Variants in STK35 observed in about 807,000 individuals in gnomAD.
STK35 encodes the protein serine/threonine-protein kinase 35.
A neutral mutation model predicts 37.3 loss-of-function variants in STK35; 17 were observed. The ratio of observed to expected loss-of-function variants is 0.46; its 90% CI spans 0.31 to 0.68. The LOEUF is 0.68. Ranked by LOEUF, STK35 falls within the 30% of genes least tolerant of loss-of-function variation. The pLI is 0.05. For missense variants in STK35, 595 were observed against 746.7 expected (o/e 0.80, Z 2.37); for synonymous variants, 385 against 319.1 (o/e 1.21, Z -2.20).
At chr20:2,121,902 A>C (rs1461399893) in intron 3 of STK35, among the ~76,000 whole-genome samples, 19 of 152,174 alleles carry the variant, frequency 1.2e-4, no homozygotes, top group Admixed American at 9.2e-4. Flanking sequence ...GGGGAAGAGG[A>C]GAGGAATTGG....
intron 3 of STK35, among the ~76,000 whole-genome samples, chr20:2,139,374 G>A (rs1476959320): frequency 6.6e-6 from 1 of 152,200 alleles, no homozygotes; most frequent in Non-Finnish European, 1.5e-5. Flanking sequence ...CCGAGCACTA[G>A]ACCTGTGCAC....
At chr20:2,115,328 A>G (rs1043987432) in intron 2 of STK35, among the ~76,000 whole-genome samples, 7 of 152,148 alleles carry the variant, frequency 4.6e-5, no homozygotes, top group Non-Finnish European at 8.8e-5. Context: ...TTTGTAATAG[A>G]GTAAATGACT....
intron 3 of STK35, among the ~76,000 whole-genome samples, chr20:2,143,152 G>T (rs555182851): frequency 6.6e-6 from 1 of 152,126 alleles, no homozygotes; most frequent in African/African-American, 2.4e-5. Flanking sequence ...GCCCGTTCTG[G>T]CTCCAGAGCC....
intron 2 of STK35, among the ~76,000 whole-genome samples, chr20:2,107,355 C>A (rs1207400770): frequency 6.6e-6 from 1 of 152,246 alleles, no homozygotes; most frequent in African/African-American, 2.4e-5. Context: ...AGCTTACACT[C>A]AACTTGATAA....
chr20:2,108,296 G>A (rs1235583821), intron 2 of STK35, among the ~76,000 whole-genome samples: 3 of 152,166 alleles, frequency 2.0e-5, no homozygotes, highest in African/African-American at 7.2e-5. Flanking sequence ...ATCACCTCAG[G>A]TCAGGAGGTG....
chr20:2,140,531 A>G (rs899224872), intron 3 of STK35, among the ~76,000 whole-genome samples: 1 of 152,214 alleles, frequency 6.6e-6, no homozygotes, highest in Admixed American at 6.5e-5. Context: ...CTGTGCTGTT[A>G]GCTCCCTGGG....
At position 2,134,454 on chromosome 20, in the gene STK35, G is replaced by T. The variant is rs985367132; in HGVS notation, c.*38-9330G>T. On this transcript the variant is annotated intron_variant, in intron 3 of 3. Coordinates refer to ENST00000381482, the MANE Select transcript of STK35 (RefSeq NM_080836.4). ...GTTGTACGTCTCACCTGTGCTGGGG[G>T]TGCCCTGTTTAGAGCACTCATGTGC... Among the ~76,000 whole-genome samples the T allele has an allele frequency of 5.9e-5, 9 of 152,066 alleles. No individual in the cohort carries two copies. The East Asian group carries it at 1.5e-3, about 26-fold the overall frequency.
Position 2,102,858 on chromosome 20 carries a change from C to G in STK35, c.385C>G (p.Pro129Ala). 4.5e-6 allele frequency: 7 copies of G among 1,554,218 alleles called. No homozygotes were observed. Among genetic ancestry groups the G allele is most frequent in the Non-Finnish European group, 6.0e-6 (7 of 1,158,508 alleles). Residue 129 changes from proline (P) to alanine (A), a missense_variant, in exon 2 of 4, where the codon CCG becomes GCG. Around this residue, in one of 3 missense-constraint regions of STK35, gnomAD observed 389 missense variants for 320.0 expected, o/e 1.22. Coordinates refer to ENST00000381482, the MANE Select transcript of STK35 (RefSeq NM_080836.4). ...CCGGGCAGCGCCGTTGCTGCTCCCC[C>G]CGCCGCCCGCAGCCATGGAAACGGG... ...GARAAPLLLP[P>A]PPAAMETGKD... is the part of the protein sequence containing the mutation.
Position 2,135,204 on chromosome 20 carries a change from G to T in STK35, c.*38-8580G>T, listed in dbSNP as rs576366138. Among the ~76,000 whole-genome samples the T allele has an allele frequency of 9.8e-5, 15 of 152,348 alleles. No homozygotes were observed. In the South Asian group the frequency reaches 3.1e-3, roughly 32 times the overall value. On this transcript the variant is annotated intron_variant, in intron 3 of 3. Coordinates refer to ENST00000381482, the MANE Select transcript of STK35 (RefSeq NM_080836.4). ...GGAGCACATTCCTATGATTGCATCT[G>T]TGCTTTTATAGCCTGGGCGACAGTC... is the stretch of plus-strand genomic sequence containing the variant.
At position 2,117,312 on chromosome 20, in the gene STK35, C is replaced by T; in HGVS notation, c.1539C>T (p.Asn513=). Residue 513 remains asparagine (N), a synonymous_variant, in exon 3 of 4, where the codon AAC becomes AAT. Coordinates refer to ENST00000381482, the MANE Select transcript of STK35 (RefSeq NM_080836.4). The surrounding 1 kb of genome is among the most constrained non-coding windows in gnomAD (Gnocchi z 4.4). ...TCTTGAAAGATATGTTAGCTGCTAA[C>T]CCACAGGACCGGCCTGATGCCTTTG... ...KQLLKDMLAA[N]PQDRPDAFEL... 1.2e-6 allele frequency: 2 copies of T among 1,614,216 alleles called. No homozygotes were observed. The highest frequency in any genetic ancestry group is 1.1e-5 in the South Asian group (1 of 91,082).
Position 2,117,192 on chromosome 20 carries a change from C to T in STK35, c.1419C>T (p.Ile473=), listed in dbSNP as rs150498734. The T allele has an allele frequency of 1.1e-5, 18 of 1,614,004 alleles. No homozygotes were observed. The highest frequency in any genetic ancestry group is 1.0e-4 in the Admixed American group (6 of 60,006). ...CCTACATTAAACAGGGGACTGAGAT[C>T]GTCCCTGTTGGTGAGGCGCTGCTAG... The part of the protein sequence containing the change: ...LGTYIKQGTE[I]VPVGEALLEN... Residue 473 remains isoleucine (I), a synonymous_variant, in exon 3 of 4, where the codon ATC becomes ATT. Coordinates refer to ENST00000381482, the MANE Select transcript of STK35 (RefSeq NM_080836.4). The surrounding 1 kb of genome is among the most constrained non-coding windows in gnomAD (Gnocchi z 4.4).
intron 3 of STK35, among the ~76,000 whole-genome samples, chr20:2,127,243 A>G (rs1985921416): frequency 1.3e-5 from 2 of 151,872 alleles, no homozygotes; most frequent in Admixed American, 6.5e-5. Context: ...TTCACCATGT[A>G]CAGCACCCCT....
intron 2 of STK35, among the ~76,000 whole-genome samples, chr20:2,105,810 A>T (rs2122539447): frequency 6.6e-6 from 1 of 152,296 alleles, no homozygotes; most frequent in South Asian, 2.1e-4. Context: ...CATAGAACAC[A>T]CCTTGTTTTC....
At chr20:2,123,043 T>C (rs936332562) in intron 3 of STK35, among the ~76,000 whole-genome samples, 2 of 152,214 alleles carry the variant, frequency 1.3e-5, no homozygotes, top group African/African-American at 4.8e-5. Flanking sequence ...CCAGCCAAAC[T>C]GATGTTCCAG....
At chr20:2,129,318 C>T (rs922619027) in intron 3 of STK35, among the ~76,000 whole-genome samples, 2 of 152,130 alleles carry the variant, frequency 1.3e-5, no homozygotes, top group African/African-American at 4.8e-5. Flanking sequence ...GTTGCTAACA[C>T]CTGGAGGGAT....
In STK35 at chr20:2,109,674, G is replaced by A. The variant is rs1180759451; in HGVS notation, c.892+6309G>A. Among the ~76,000 whole-genome samples the A allele has an allele frequency of 2.0e-5, 3 of 152,218 alleles. No homozygotes were observed. The South Asian group carries it at 6.2e-4, about 31-fold the overall frequency. On this transcript the variant is annotated intron_variant, in intron 2 of 3. Coordinates refer to ENST00000381482, the MANE Select transcript of STK35 (RefSeq NM_080836.4). ...CTGCCAGTGGTGTCCAGAGACATTA[G>A]CATAATTCACACCCAGTAGCAGTCT...
At chr20:2,111,440 A>T (rs1353738104) in intron 2 of STK35, among the ~76,000 whole-genome samples, 2 of 152,164 alleles carry the variant, frequency 1.3e-5, no homozygotes, top group African/African-American at 4.8e-5. Context: ...CATGCCTATA[A>T]TTACCCAGTA....
At chr20:2,132,279 A>G (rs1015219566) in intron 3 of STK35, among the ~76,000 whole-genome samples, 3 of 152,262 alleles carry the variant, frequency 2.0e-5, no homozygotes, top group Non-Finnish European at 2.9e-5. Context: ...CAAAGAAGTA[A>G]GTGATGGCAA....
At chr20:2,115,660 C>A (rs1600604382) in intron 2 of STK35, among the ~76,000 whole-genome samples, 1 of 152,200 alleles carries the variant, frequency 6.6e-6, no homozygotes, top group East Asian at 1.9e-4. Context: ...CACCAGCTTT[C>A]CTAGAGTTTC....
Sources: allele counts gnomAD v4.1 joint callset (sites outside exome capture counted in the v4.1 genomes callset), GRCh38; gene constraint gnomAD v4.1.1; regional missense constraint gnomAD v4.1.1; non-coding constraint Gnocchi (gnomAD v3.1); transcripts MANE v1.5; gene names NCBI Gene and HGNC (gene_info 2026-07-23, HGNC 2026-07-21).